Variants in FAM168A observed in about 807,000 individuals in gnomAD.
FAM168A encodes family with sequence similarity 168 member A.
In FAM168A, 3 loss-of-function variants were observed where a neutral mutation model predicts 28.5. The observed-to-expected ratio is 0.11, with a 90% CI of 0.05 to 0.27. The LOEUF is 0.27. FAM168A is among the 10% of genes least tolerant of loss of function. The probability of loss-of-function intolerance (pLI) is 1.00; values close to 1 mark genes in which losing one functional copy is unlikely to be tolerated. For synonymous variants in FAM168A, 122 were observed against 124.2 expected (o/e 0.98, Z 0.12); for missense variants, 222 against 311.5 (o/e 0.71, Z 2.16).
At chr11:73,479,982 A>C (rs2134592215) in intron 1 of FAM168A, among the ~76,000 whole-genome samples, 1 of 152,350 alleles carries the variant, frequency 6.6e-6, no homozygotes, top group South Asian at 2.1e-4. Context: ...ACGATATATA[A>C]GAAAGCCATT....
chr11:73,465,609 A>G (rs897372093), intron 2 of FAM168A, among the ~76,000 whole-genome samples: 1 of 78,336 alleles, frequency 1.3e-5, no homozygotes, highest in Non-Finnish European at 2.3e-5. Flanking sequence ...CAGCAGAAAG[A>G]GCTCTGGTGT....
chr11:73,565,127 T>G (rs936862929), intron 1 of FAM168A, among the ~76,000 whole-genome samples: 1 of 152,154 alleles, frequency 6.6e-6, no homozygotes, highest in Non-Finnish European at 1.5e-5. Context: ...TTAAGTACAC[T>G]GTAAAGGACT....
chr11:73,520,530 T>C (rs1943362964), intron 1 of FAM168A, among the ~76,000 whole-genome samples: 1 of 152,166 alleles, frequency 6.6e-6, no homozygotes. Flanking sequence ...CTTCCTGTAA[T>C]TAACCTCTTT....
At chr11:73,531,550 T>C (rs993103472) in intron 1 of FAM168A, among the ~76,000 whole-genome samples, 9 of 152,126 alleles carry the variant, frequency 5.9e-5, no homozygotes, top group African/African-American at 1.9e-4. Context: ...TGAGTAAGAA[T>C]ATACCTATAA....
At chr11:73,463,238 A>G (rs569636129) in intron 2 of FAM168A, among the ~76,000 whole-genome samples, 1 of 152,274 alleles carries the variant, frequency 6.6e-6, no homozygotes, top group South Asian at 2.1e-4. Flanking sequence ...AAGTGCTGTC[A>G]TTATAGGTGT....
chr11:73,456,963 G>A (rs1404485012), intron 2 of FAM168A, among the ~76,000 whole-genome samples: 1 of 152,238 alleles, frequency 6.6e-6, no homozygotes, highest in African/African-American at 2.4e-5. Flanking sequence ...GGCCAGCACA[G>A]AGGCTGACAG....
intron 1 of FAM168A, among the ~76,000 whole-genome samples, chr11:73,521,082 A>G (rs1943369175): frequency 1.3e-5 from 2 of 152,208 alleles, no homozygotes; most frequent in Non-Finnish European, 2.9e-5. Flanking sequence ...GTGATAAAAT[A>G]GTTTCAGGAA....
chr11:73,542,585 T>C (rs1943671602), intron 1 of FAM168A, among the ~76,000 whole-genome samples: 1 of 152,240 alleles, frequency 6.6e-6, no homozygotes, highest in African/African-American at 2.4e-5. Flanking sequence ...CTGCTTATCC[T>C]GTCTCTCTCT....
intron 2 of FAM168A, among the ~76,000 whole-genome samples, chr11:73,457,981 G>A (rs1027182561): frequency 1.1e-4 from 16 of 152,030 alleles, no homozygotes; most frequent in African/African-American, 3.9e-4. Context: ...GACTACGTTT[G>A]TAAAGTGCTT....
At chr11:73,507,220 C>T (rs1321157656) in intron 1 of FAM168A, among the ~76,000 whole-genome samples, 1 of 152,192 alleles carries the variant, frequency 6.6e-6, no homozygotes, top group Non-Finnish European at 1.5e-5. Flanking sequence ...TTACAACCAA[C>T]CATTAGGTCC....
At chr11:73,489,759 C>T (rs1868104325) in intron 1 of FAM168A, among the ~76,000 whole-genome samples, 1 of 152,176 alleles carries the variant, frequency 6.6e-6, no homozygotes, top group Non-Finnish European at 1.5e-5. Flanking sequence ...AATCTGCCCG[C>T]CTCAGCTTCG....
intron 1 of FAM168A, among the ~76,000 whole-genome samples, chr11:73,568,611 C>G (rs922871911): frequency 3.3e-5 from 5 of 152,040 alleles, no homozygotes; most frequent in Admixed American, 1.3e-4. Context: ...AGAACTAGAC[C>G]CTTGGTCGGG....
intron 1 of FAM168A, among the ~76,000 whole-genome samples, chr11:73,544,917 AT>A (rs1943715122): frequency 1.1e-5 from 1 of 94,692 alleles, no homozygotes; most frequent in Non-Finnish European, 1.9e-5. Context: ...AATATATATT[AT>A]ATATAATATA....
intron 1 of FAM168A, among the ~76,000 whole-genome samples, chr11:73,552,117 T>A (rs1276404531): frequency 6.6e-6 from 1 of 152,202 alleles, no homozygotes; most frequent in Non-Finnish European, 1.5e-5. Context: ...TTACCTACCC[T>A]TATGCCTTGT....
intron 1 of FAM168A, among the ~76,000 whole-genome samples, chr11:73,492,226 C>T (rs906716329): frequency 1.3e-5 from 2 of 151,972 alleles, no homozygotes; most frequent in Admixed American, 6.6e-5. Context: ...GAGGCAAGAA[C>T]GAAAGATCAA....
intron 1 of FAM168A, among the ~76,000 whole-genome samples, chr11:73,584,415 G>T (rs939484099): frequency 6.6e-6 from 1 of 151,246 alleles, no homozygotes; most frequent in Non-Finnish European, 1.5e-5. Flanking sequence ...CTCCTGCCTT[G>T]GCTTCCAGAA....
At chr11:73,487,318 A>T (rs563154385) in intron 1 of FAM168A, among the ~76,000 whole-genome samples, 17 of 152,126 alleles carry the variant, frequency 1.1e-4, no homozygotes, top group Non-Finnish European at 1.6e-4. Flanking sequence ...GTCTCATATA[A>T]TAATGCTTTC....
At position 73,560,075 on chromosome 11, in the gene FAM168A, G is replaced by A. The variant is rs555878807; in HGVS notation, c.-19+37848C>T. ...CAATGAAGGTTTTTTTCTTGTTGTT[G>A]TTTTCTGAGACAGAGTCTCACTCTG... On this transcript the variant is annotated intron_variant, in intron 1 of 7. Coordinates refer to ENST00000356467, the MANE Select transcript of FAM168A (RefSeq NM_015159.3). Among the ~76,000 whole-genome samples the A allele has an allele frequency of 3.6e-3, 548 of 152,166 alleles. 1 individual carries two copies. The highest frequency in any genetic ancestry group is 0.012 in the African/African-American group (517 of 41,518).
intron 1 of FAM168A, among the ~76,000 whole-genome samples, chr11:73,559,672 T>C (rs1943934370): frequency 6.6e-6 from 1 of 152,226 alleles, no homozygotes; most frequent in Non-Finnish European, 1.5e-5. Flanking sequence ...GATACAGAAC[T>C]TCTTTTTAGG....
Sources: allele counts gnomAD v4.1 joint callset (sites outside exome capture counted in the v4.1 genomes callset), GRCh38; gene constraint gnomAD v4.1.1; transcripts MANE v1.5; gene names NCBI Gene and HGNC (gene_info 2026-07-23, HGNC 2026-07-21).